TMEM181: variants seen among roughly 807,000 people sequenced by gnomAD.
The protein encoded by TMEM181 is transmembrane protein 181, also known as G protein-coupled receptor 178.
In TMEM181, 39 loss-of-function variants were observed where a neutral mutation model predicts 71.9. That is an observed-to-expected ratio of 0.54 (90% CI 0.42 to 0.71). The LOEUF is 0.71. TMEM181 is among the 30% of genes least tolerant of loss of function. TMEM181 has a pLI of 0.00. For missense variants in TMEM181, 595 were observed against 583.0 expected (o/e 1.02, Z -0.21); for synonymous variants, 245 against 228.8 (o/e 1.07, Z -0.64).
At chr6:158,586,651 A>G (rs2128303062) in intron 5 of TMEM181, among the ~76,000 whole-genome samples, 1 of 152,304 alleles carries the variant, frequency 6.6e-6, no homozygotes, top group South Asian at 2.1e-4. Context: ...TTTTCCTAGC[A>G]AGAAAGAATT....
intron 13 of TMEM181, chr6:158,626,722 C>G: frequency 2.2e-6 from 1 of 457,386 alleles, no homozygotes; most frequent in South Asian, 1.5e-5. Flanking sequence ...CACGTTGTCT[C>G]TGTGACGTCT....
chr6:158,593,694 C>CATTCA (rs959699391), intron 6 of TMEM181, among the ~76,000 whole-genome samples: 2 of 152,210 alleles, frequency 1.3e-5, no homozygotes, highest in African/African-American at 4.8e-5. Context: ...CTGTTGAAGA[C>CATTCA]ATTGTGTTGT....
rs758333524 is a variant in TMEM181, at chr6:158,589,727, C to G, written c.437C>G (p.Thr146Arg). Residue 146 changes from threonine to arginine, a missense_variant, in exon 6 of 17, where the codon ACA becomes AGA. Coordinates refer to ENST00000684151, the MANE Select transcript of TMEM181 (RefSeq NM_001376852.1). ...HLGYLNYTQY[T>R]VIVGFEHLKL... ...GGCTACCTGAACTACACTCAGTATA[C>G]AGTGATAGTGGGATTTGAACACCTG... The G allele has an allele frequency of 6.2e-7, 1 of 1,614,098 alleles. No homozygotes were observed. The highest frequency in any genetic ancestry group is 2.2e-5 in the East Asian group (1 of 44,880).
intron 10 of TMEM181, chr6:158,611,326 C>T (rs543688656): frequency 8.2e-5 from 42 of 512,610 alleles, no homozygotes; most frequent in South Asian, 5.7e-4. Context: ...CTCTGCTATG[C>T]TTGGTTTTGA....
intron 6 of TMEM181, among the ~76,000 whole-genome samples, chr6:158,602,600 A>C (rs1301147667): frequency 3.4e-5 from 5 of 148,218 alleles, no homozygotes; most frequent in Admixed American, 1.4e-4. Context: ...TTTACATTGC[A>C]GTTTTAATTT....
intron 1 of TMEM181, among the ~76,000 whole-genome samples, chr6:158,546,328 A>T (rs1015938267): frequency 5.3e-5 from 8 of 152,236 alleles, no homozygotes; most frequent in Admixed American, 2.0e-4. Flanking sequence ...CAGCTATGTC[A>T]GGGACAGCTA....
intron 12 of TMEM181, among the ~76,000 whole-genome samples, chr6:158,625,451 A>G (rs1371804623): frequency 1.3e-5 from 2 of 152,064 alleles, no homozygotes; most frequent in Non-Finnish European, 2.9e-5. Context: ...GAGCAGGGCG[A>G]GTCACCCTGA....
chr6:158,537,429 G>A (rs948215642), intron 1 of TMEM181, among the ~76,000 whole-genome samples: 1 of 152,234 alleles, frequency 6.6e-6, no homozygotes, highest in African/African-American at 2.4e-5. Flanking sequence ...GGGACACGGC[G>A]CCTGGGAGCG....
intron 1 of TMEM181, among the ~76,000 whole-genome samples, chr6:158,546,961 AAAAC>A (rs1781545040): frequency 1.3e-5 from 2 of 151,150 alleles, no homozygotes; most frequent in Admixed American, 1.3e-4. Flanking sequence ...CTCCATCTCA[AAAAC>A]AAAAACAAAC....
chr6:158,538,360 G>T (rs1330185438), intron 1 of TMEM181, among the ~76,000 whole-genome samples: 2 of 151,746 alleles, frequency 1.3e-5, no homozygotes, highest in African/African-American at 4.8e-5. Flanking sequence ...TCCCTGTCTT[G>T]CCCAGGCTGG....
chr6:158,596,854 C>T (rs1351231281), intron 6 of TMEM181, among the ~76,000 whole-genome samples: 8 of 152,132 alleles, frequency 5.3e-5, no homozygotes, highest in East Asian at 3.9e-4. Flanking sequence ...GAGAATAGCA[C>T]GGGAAAGGCT....
At chr6:158,608,625 C>A (rs1785104765) in intron 9 of TMEM181, 34 bp from the exon 10 acceptor site, 1 of 1,599,906 alleles carries the variant, frequency 6.3e-7, no homozygotes, top group Admixed American at 1.8e-5. Flanking sequence ...ATTTGGTTTT[C>A]TTTATTTCTT....
chr6:158,588,995 T>C (rs917835452), intron 5 of TMEM181, among the ~76,000 whole-genome samples: 6 of 152,258 alleles, frequency 3.9e-5, no homozygotes, highest in Admixed American at 3.9e-4. Flanking sequence ...TCTGTATCCC[T>C]GCATGAGGGT....
intron 6 of TMEM181, among the ~76,000 whole-genome samples, chr6:158,602,535 G>A (rs1784724495): frequency 6.6e-6 from 1 of 152,098 alleles, no homozygotes; most frequent in East Asian, 1.9e-4. Context: ...TGCTCGGTAC[G>A]GTCAGTCTTT....
At chr6:158,592,290 C>T (rs1321049225) in intron 6 of TMEM181, among the ~76,000 whole-genome samples, 1 of 152,168 alleles carries the variant, frequency 6.6e-6, no homozygotes, top group Non-Finnish European at 1.5e-5. Flanking sequence ...TTATGTTCAT[C>T]CTTGCTTTAA....
rs1013677540 is a variant in TMEM181 at position 158,634,251 on chromosome 6, T to C, written c.*2363T>C. ...TGGTATATCATAAATACCGACATATTACATACCCCATGTAAAATTTTGCTT... is the reference window on the plus strand; with the variant it reads ...TGGTATATCATAAATACCGACATATCACATACCCCATGTAAAATTTTGCTT... On this transcript the variant is annotated 3_prime_UTR_variant, in exon 17 of 17. Transcript: ENST00000684151. The C allele has an allele frequency of 3.3e-5, 5 of 152,256 alleles. No individual in the cohort carries two copies. Among genetic ancestry groups the C allele is most frequent in the African/African-American group, 1.2e-4 (5 of 41,470 alleles). The allele number at this position is 152,256 out of a possible 1,614,324, so 9.4% of individuals were successfully genotyped here. A position where few individuals can be genotyped will look rare whatever the true frequency, so the allele number is the denominator to read the frequency against.
intron 13 of TMEM181, among the ~76,000 whole-genome samples, chr6:158,627,565 G>C (rs1235704170): frequency 6.6e-6 from 1 of 152,062 alleles, no homozygotes; most frequent in Non-Finnish European, 1.5e-5. Context: ...ACCTGAGGAG[G>C]AGCCCTGAAA....
chr6:158,631,334 A>C lies in TMEM181; in HGVS notation c.1294A>C (p.Lys432Gln). ...SKNALYESQL[K>Q]DNPAFSMLND... is the part of the protein sequence containing the mutation. Reference sequence around the variant, plus strand: ...TTGTTGGTTTTCAGAGTCCCAGCTGAAAGACAATCCTGCCTTCTCCATGCT... The same window carrying C: ...TTGTTGGTTTTCAGAGTCCCAGCTGCAAGACAATCCTGCCTTCTCCATGCT... The change falls in exon 16 of 17, where the codon AAA becomes CAA. Residue 432 changes from lysine (K) to glutamine (Q), a missense_variant. Coordinates refer to ENST00000684151, the MANE Select transcript of TMEM181 (RefSeq NM_001376852.1). 1 of 1,614,214 alleles carries C rather than the reference A, an allele frequency of 6.2e-7. No homozygotes were observed. The highest frequency in any genetic ancestry group is 2.2e-5 in the East Asian group (1 of 44,868).
At chr6:158,612,184 T>C (rs1365906538) in intron 10 of TMEM181, among the ~76,000 whole-genome samples, 1 of 152,234 alleles carries the variant, frequency 6.6e-6, no homozygotes, top group Non-Finnish European at 1.5e-5. Flanking sequence ...TTTTACTGTC[T>C]ACTCTTTCTG....
Sources: gnomAD v4.1 joint callset for allele counts (sites outside exome capture counted in the v4.1 genomes callset) on GRCh38, gnomAD v4.1.1 for gene constraint, MANE v1.5 for transcripts, NCBI Gene and HGNC (gene_info 2026-07-23, HGNC 2026-07-21) for gene names.